The following GRM1 variants were observed in gnomAD, a reference collection of about 807,000 sequenced individuals.
GRM1 encodes glutamate metabotropic receptor 1.
GRM1 carries 33 observed loss-of-function variants against 90.9 expected under a neutral mutation model. The ratio of observed to expected loss-of-function variants is 0.36; its 90% CI spans 0.28 to 0.49. The LOEUF (loss-of-function observed/expected upper bound fraction) is 0.49, where lower values mean the gene tolerates loss of function less well. GRM1 is among the 20% of genes least tolerant of loss of function. The probability of loss-of-function intolerance (pLI) is 0.99; values close to 1 mark genes in which losing one functional copy is unlikely to be tolerated. For synonymous variants in GRM1, 700 were observed against 613.2 expected (o/e 1.14, Z -2.09); for missense variants, 1,190 against 1,534.3 (o/e 0.78, Z 3.75).
intron 1 of GRM1, among the ~76,000 whole-genome samples, chr6:146,081,592 A>G (rs1471488945): frequency 6.6e-6 from 1 of 152,216 alleles, no homozygotes; most frequent in Non-Finnish European, 1.5e-5. Context: ...TTGCAGAAAG[A>G]TGAGTTTTGG....
chr6:146,270,874 TTTC>T (rs1241488760), intron 2 of GRM1, among the ~76,000 whole-genome samples: 16 of 88,148 alleles, frequency 1.8e-4, no homozygotes, highest in African/African-American at 8.7e-4. Context: ...TCTTTCTTTC[TTTC>T]TTTCTTTCTT....
At chr6:146,310,144 G>A (rs1783724101) in intron 3 of GRM1, among the ~76,000 whole-genome samples, 1 of 152,228 alleles carries the variant, frequency 6.6e-6, no homozygotes, top group African/African-American at 2.4e-5. Context: ...GATGATGATA[G>A]CTAGTCTAGT....
chr6:146,327,992 C>A (rs1784453272), intron 3 of GRM1, among the ~76,000 whole-genome samples: 1 of 152,172 alleles, frequency 6.6e-6, no homozygotes, highest in African/African-American at 2.4e-5. Flanking sequence ...AGGCGCCCCA[C>A]AGATTGTAGG....
intron 1 of GRM1, among the ~76,000 whole-genome samples, chr6:146,093,258 A>G (rs891269501): frequency 1.3e-5 from 2 of 152,084 alleles, no homozygotes; most frequent in Non-Finnish European, 2.9e-5. Flanking sequence ...CTTGAATCCA[A>G]TGCTTCCACG....
intron 1 of GRM1, among the ~76,000 whole-genome samples, chr6:146,105,267 C>A (rs1484613863): frequency 6.6e-6 from 1 of 152,018 alleles, no homozygotes; most frequent in African/African-American, 2.4e-5. Context: ...TGAATTATTT[C>A]TTTTGTATGT....
intron 2 of GRM1, among the ~76,000 whole-genome samples, chr6:146,278,496 C>G (rs570384854): frequency 5.5e-4 from 83 of 152,292 alleles, no homozygotes; most frequent in African/African-American, 1.9e-3. Flanking sequence ...CTTCTTCCAG[C>G]TGGGCGTGAT....
chr6:146,213,649 A>G (rs1182273871), intron 2 of GRM1, among the ~76,000 whole-genome samples: 1 of 152,126 alleles, frequency 6.6e-6, no homozygotes, highest in East Asian at 1.9e-4. Flanking sequence ...CTCCAAAGAA[A>G]GAACCAATAG....
chr6:146,094,581 C>T (rs1292017093), intron 1 of GRM1, among the ~76,000 whole-genome samples: 1 of 151,896 alleles, frequency 6.6e-6, no homozygotes, highest in Non-Finnish European at 1.5e-5. Context: ...CTTAGGTTAC[C>T]CTGTGTATGT....
At position 146,278,867 on chromosome 6, in the gene GRM1, G is replaced by A. The variant is rs149738351; in HGVS notation, c.951-25744G>A. On this transcript the variant is annotated intron_variant, in intron 2 of 7. Transcript: ENST00000282753. ...TTATATAGAGCTAGAGGTTACGCCC[G>A]GCTAATTTTTTGTATTTTTAGTAGA... Among the ~76,000 whole-genome samples, 112 of 152,182 alleles carry A rather than the reference G, an allele frequency of 7.4e-4. 1 individual carries two copies. The highest frequency in any genetic ancestry group is 2.6e-3 in the African/African-American group (107 of 41,538).
At chr6:146,160,131 C>CA (rs1777670572) in intron 2 of GRM1, among the ~76,000 whole-genome samples, 1 of 152,018 alleles carries the variant, frequency 6.6e-6, no homozygotes, top group South Asian at 2.1e-4. Context: ...ATTGAGATAT[C>CA]AGTGGATAAA....
rs558260974 is a variant in GRM1 at position 146,203,148 on chromosome 6, A to C, written c.950+43551A>C. 6.6e-5 allele frequency among the ~76,000 whole-genome samples: 10 copies of C among 152,044 alleles called. No individual in the cohort carries two copies. In the East Asian group the frequency reaches 9.7e-4, roughly 15 times the overall value. The stretch of plus-strand genomic sequence containing the variant: ...GGCGGAGCTTGCAGTGAGCCAAGAT[A>C]GCGCCACATCACTCCAGCCTGGGGG... On this transcript the variant is annotated intron_variant, in intron 2 of 7. Coordinates refer to ENST00000282753, the MANE Select transcript of GRM1 (RefSeq NM_001278064.2).
At chr6:146,325,369 G>A (rs918695622) in intron 3 of GRM1, among the ~76,000 whole-genome samples, 1 of 152,194 alleles carries the variant, frequency 6.6e-6, no homozygotes, top group African/African-American at 2.4e-5. Flanking sequence ...TCTTGCATGG[G>A]TGTGAGAAAC....
intron 1 of GRM1, among the ~76,000 whole-genome samples, chr6:146,106,103 A>T (rs961939823): frequency 6.6e-6 from 1 of 152,226 alleles, no homozygotes; most frequent in African/African-American, 2.4e-5. Flanking sequence ...AATTCTAAAA[A>T]GGTTTAATGC....
intron 1 of GRM1, among the ~76,000 whole-genome samples, chr6:146,122,839 C>CTTTTTTTTTT (rs57859188): frequency 7.6e-4 from 47 of 62,212 alleles, no homozygotes; most frequent in Non-Finnish European, 9.8e-4. Context: ...TCTTTTCTTT[C>CTTTTTTTTTT]TTTTTTTTTT....
At chr6:146,193,081 A>T (rs1353138437) in intron 2 of GRM1, among the ~76,000 whole-genome samples, 1 of 152,172 alleles carries the variant, frequency 6.6e-6, no homozygotes, top group Non-Finnish European at 1.5e-5. Flanking sequence ...CCATTTTCTG[A>T]GATGAGGATG....
chr6:146,416,550 T>C (rs1335895203), intron 7 of GRM1, among the ~76,000 whole-genome samples: 1 of 152,232 alleles, frequency 6.6e-6, no homozygotes, highest in Admixed American at 6.5e-5. Context: ...GCATTTCATT[T>C]CTATACATAT....
chr6:146,031,330 A>G (rs938219823), intron 1 of GRM1, among the ~76,000 whole-genome samples: 10 of 152,138 alleles, frequency 6.6e-5, no homozygotes, highest in Admixed American at 1.3e-4. Context: ...GTATTTCTGT[A>G]TTCATATTTC....
At chr6:146,168,026 T>G (rs1043170700) in intron 2 of GRM1, among the ~76,000 whole-genome samples, 4 of 152,026 alleles carry the variant, frequency 2.6e-5, no homozygotes, top group Admixed American at 2.6e-4. Context: ...TATGACTCAT[T>G]TGGGCCTAAT....
intron 7 of GRM1, among the ~76,000 whole-genome samples, chr6:146,424,017 C>T (rs552030627): frequency 6.6e-6 from 1 of 152,280 alleles, no homozygotes; most frequent in South Asian, 2.1e-4. Flanking sequence ...TGCACGTGCT[C>T]AGCCCACAGG....
Sources: gnomAD v4.1 joint callset for allele counts (sites outside exome capture counted in the v4.1 genomes callset) on GRCh38, gnomAD v4.1.1 for gene constraint, MANE v1.5 for transcripts, NCBI Gene and HGNC (gene_info 2026-07-23, HGNC 2026-07-21) for gene names.